MADD: variants seen among roughly 807,000 people sequenced by gnomAD.
The protein encoded by MADD is MAP kinase activating death domain.
A neutral mutation model predicts 176.7 loss-of-function variants in MADD; 109 were observed. The ratio of observed to expected loss-of-function variants is 0.62; its 90% confidence interval spans 0.53 to 0.72. The LOEUF (loss-of-function observed/expected upper bound fraction) is 0.72, where lower values mean the gene tolerates loss of function less well. MADD is among the 30% of genes least tolerant of loss of function. The pLI, the probability that MADD is intolerant of heterozygous loss-of-function variation, is 0.00. For synonymous variants in MADD, 771 were observed against 771.3 expected (o/e 1.00, Z 0.01); for missense variants, 1,914 against 2,045.5 (o/e 0.94, Z 1.24).
chr11:47,269,623 TCC>T (rs1736463190), upstream of MADD: 1 of 148,890 alleles, frequency 6.7e-6, no homozygotes, highest in Admixed American at 6.7e-5. Context: ...GCCCCCCCAC[TCC>T]CCGCGCGCGC....
intron 18 of MADD, 91 bp downstream of exon 19, chr11:47,290,390 C>G: frequency 6.7e-7 from 1 of 1,490,942 alleles, no homozygotes; most frequent in Non-Finnish European, 9.1e-7. Context: ...GGACACGTTT[C>G]CCAGTGCCAC....
At chr11:47,273,341 T>C (rs1452598160) in intron 1 of MADD, among the ~76,000 whole-genome samples, 58 of 386 alleles carry the variant, frequency 0.15, no homozygotes, top group African/African-American at 0.31. Context: ...TTTATCTACA[T>C]TTTTTTTTTT....
At chr11:47,276,422 G>A (rs1337248869) in intron 4 of MADD, among the ~76,000 whole-genome samples, 4 of 152,190 alleles carry the variant, frequency 2.6e-5, no homozygotes, top group Non-Finnish European at 4.4e-5. Context: ...CATTCATTAG[G>A]GCTTATCCTT....
intron 8 of MADD, 26 bp downstream of exon 8, chr11:47,281,779 A>G: frequency 2.6e-6 from 4 of 1,535,198 alleles, no homozygotes; most frequent in Non-Finnish European, 3.5e-6. Context: ...CTGTATAATC[A>G]CAAGTTCTTA....
intron 1 of MADD, among the ~76,000 whole-genome samples, chr11:47,272,566 A>G (rs751164393): frequency 4.6e-5 from 7 of 152,180 alleles, no homozygotes; most frequent in Non-Finnish European, 8.8e-5. Context: ...AGAATCCTGG[A>G]ACACTAGAAA....
At chr11:47,329,266 AG>A (rs2095802215) in exon 33 of MADD, 1 of 800,410 alleles carries the variant, frequency 1.2e-6, no homozygotes, top group African/African-American at 1.7e-5. Context: ...GTCCTCTGCA[AG>A]CCCCCTGCTG....
At chr11:47,324,063 C>T (rs556836599) in intron 28 of MADD, 1 of 642,566 alleles carries the variant, frequency 1.6e-6, no homozygotes, top group African/African-American at 1.8e-5. Flanking sequence ...TGTACCCATG[C>T]CTTCTTTAAA....
chr11:47,274,528 C>T, intron 2 of MADD, 35 bp from the exon 3 acceptor site: 8 of 1,546,820 alleles, frequency 5.2e-6, no homozygotes, highest in Non-Finnish European at 5.3e-6. Flanking sequence ...CATTCCATCC[C>T]TTCAGGCTGC....
intron 5 of MADD, among the ~76,000 whole-genome samples, chr11:47,277,529 T>C (rs2051382812): frequency 6.6e-6 from 1 of 152,206 alleles, no homozygotes; most frequent in African/African-American, 2.4e-5. Context: ...ACTCTTGACC[T>C]TAGGTGATCC....
intron 1 of MADD, chr11:47,270,719 A>T (rs915042340): frequency 6.6e-6 from 1 of 152,110 alleles, no homozygotes; most frequent in Non-Finnish European, 1.5e-5. Context: ...AGAGAACACC[A>T]TTTCATCTTT....
chr11:47,321,345 T>C (rs140182738), intron 27 of MADD, among the ~76,000 whole-genome samples: 214 of 152,340 alleles, frequency 1.4e-3, no homozygotes, highest in African/African-American at 5.0e-3. Flanking sequence ...TGACTGATTC[T>C]TCAAAGGCTT....
chr11:47,313,719 A>AT (rs1314991306), intron 26 of MADD, among the ~76,000 whole-genome samples: 2 of 151,514 alleles, frequency 1.3e-5, no homozygotes, highest in Admixed American at 6.6e-5. Context: ...TTTAAATAAC[A>AT]TTTTTTTTCA....
exon 33 of MADD, chr11:47,329,059 G>C: frequency 2.5e-6 from 4 of 1,614,054 alleles, no homozygotes; most frequent in Non-Finnish European, 3.4e-6. Context: ...CACGAAATCT[G>C]CTACTCCGTA....
At chr11:47,327,393 T>A (rs759730969) in intron 31 of MADD, 5 of 985,368 alleles carry the variant, frequency 5.1e-6, no homozygotes, top group Non-Finnish European at 6.0e-6. Flanking sequence ...TGTTTGTGCT[T>A]CATTCTTTTG....
At position 47,315,202 on chromosome 11, in the gene MADD, A is replaced by C; in HGVS notation, c.4090-18A>C. ...AGAGGGATGTATGACTGTCCCTAAA[A>C]AATCTCTCTTTCATCAGAATGGACG... On this transcript the variant is annotated intron_variant, in intron 26 of 32. Coordinates refer to ENST00000402192, the Ensembl canonical transcript of MADD. The C allele has an allele frequency of 6.4e-7, 1 of 1,550,716 alleles. No individual in the cohort carries two copies. Among genetic ancestry groups the C allele is most frequent in the East Asian group, 2.2e-5 (1 of 44,540 alleles).
exon 17 of MADD, chr11:47,289,921 A>G: frequency 6.2e-7 from 1 of 1,614,128 alleles, no homozygotes; most frequent in African/African-American, 1.3e-5. Flanking sequence ...ACGGCCAGGG[A>G]GTTGGCTGGC....
intron 15 of MADD, 54 bp downstream of exon 16, chr11:47,289,081 T>C (rs2063087223): frequency 5.9e-6 from 9 of 1,512,732 alleles, no homozygotes; most frequent in Non-Finnish European, 8.0e-6. Context: ...TAGCATCTTC[T>C]GTGCCTGCCC....
exon 20 of MADD, chr11:47,293,950 A>C: frequency 6.2e-7 from 1 of 1,614,230 alleles, no homozygotes. Flanking sequence ...AGATCAGCGC[A>C]GACAGTGGTG....
rs534905875 is a variant in MADD at position 47,282,765 on chromosome 11, CT to C, written c.1706-41del. 1.2e-5 allele frequency: 20 copies of C among 1,604,228 alleles called. No homozygotes were observed. In the African/African-American group the frequency reaches 1.5e-4, roughly 12 times the overall value. Reference sequence around the variant, plus strand: ...TGCCTTTCTTTCAGGCGTTGCTTGCCTTTTTTTCCTTGCTGCTGACTTTCTG... The same window carrying C: ...TGCCTTTCTTTCAGGCGTTGCTTGCCTTTTTTCCTTGCTGCTGACTTTCTG... On this transcript the variant is annotated intron_variant, in intron 9 of 32. Coordinates refer to ENST00000402192, the Ensembl canonical transcript of MADD.
Sources: gnomAD v4.1 joint callset for allele counts (sites outside exome capture counted in the v4.1 genomes callset) on GRCh38, gnomAD v4.1.1 for gene constraint, MANE v1.5 for transcripts, NCBI Gene and HGNC (gene_info 2026-07-23, HGNC 2026-07-21) for gene names.